Variants in DLEC1 observed in about 807,000 individuals in gnomAD.
DLEC1 encodes the protein DLEC1 cilia and flagella associated protein.
In DLEC1, 146 loss-of-function variants were observed where a neutral mutation model predicts 198.1. The ratio of observed to expected loss-of-function variants is 0.74; its 90% CI spans 0.64 to 0.85. DLEC1 has a LOEUF of 0.85. Among genes scored for constraint, DLEC1 ranks in the 40% least tolerant of loss-of-function variants. The pLI is 0.00. For synonymous variants in DLEC1, 897 were observed against 866.8 expected (o/e 1.03, Z -0.61); for missense variants, 2,233 against 2,220.0 (o/e 1.01, Z -0.12).
chr3:38,118,382 G>A (rs1415316387), intron 33 of DLEC1, among the ~76,000 whole-genome samples: 1 of 152,128 alleles, frequency 6.6e-6, no homozygotes, highest in African/African-American at 2.4e-5. Flanking sequence ...CACAGACTCC[G>A]TCCTCCTGTG....
chr3:38,060,232 A>G (rs1054963618), intron 3 of DLEC1, among the ~76,000 whole-genome samples: 3 of 152,186 alleles, frequency 2.0e-5, no homozygotes, highest in Non-Finnish European at 2.9e-5. Context: ...CCATGCAGGA[A>G]AAGAGCAGCT....
chr3:38,095,996 C>T (rs747415987), intron 14 of DLEC1, 50 bp downstream of exon 14: 13 of 1,605,690 alleles, frequency 8.1e-6, no homozygotes, highest in Non-Finnish European at 1.0e-5. Flanking sequence ...GGCCTTCCCC[C>T]ACCTTGGGGG....
Position 38,115,382 on chromosome 3 carries a change from T to C in DLEC1, c.3856+329T>C, listed in dbSNP as rs561363917. On this transcript the variant is annotated intron_variant, in intron 27 of 36. Coordinates refer to ENST00000308059, the MANE Select transcript of DLEC1 (RefSeq NM_007335.4). ...CTTCCCTCCTGATGGGTGGGACAGA[T>C]GTGACTGTGGACTGCAGTGTGTGGA... Among the ~76,000 whole-genome samples, 8 of 152,030 alleles carry C rather than the reference T, an allele frequency of 5.3e-5. No individual in the cohort carries two copies. The South Asian group carries it at 1.7e-3, about 32-fold the overall frequency.
At chr3:38,074,426 C>A (rs1188483929) in intron 6 of DLEC1, among the ~76,000 whole-genome samples, 1 of 152,126 alleles carries the variant, frequency 6.6e-6, no homozygotes, top group Non-Finnish European at 1.5e-5. Flanking sequence ...CCTTCTGGCC[C>A]CTCTGGGTCT....
intron 24 of DLEC1, 25 bp downstream of exon 24, chr3:38,111,772 C>A: frequency 6.2e-7 from 1 of 1,604,548 alleles, no homozygotes; most frequent in South Asian, 1.1e-5. Flanking sequence ...GGTGGGGCTT[C>A]GGGGCCCAGG....
Position 38,111,762 on chromosome 3 carries a change from G to C in DLEC1, c.3514+15G>C. Reference sequence around the variant, plus strand: ...AGAGCAGCTGGGTAAGCGCCACCAGGGTGGGGCTTCGGGGCCCAGGCCACG... The same window carrying C: ...AGAGCAGCTGGGTAAGCGCCACCAGCGTGGGGCTTCGGGGCCCAGGCCACG... On this transcript the variant is annotated intron_variant, in intron 24 of 36. Transcript: ENST00000308059. 1 of 1,608,362 alleles carries C rather than the reference G, an allele frequency of 6.2e-7. No homozygotes were observed. The highest frequency in any genetic ancestry group is 8.5e-7 in the Non-Finnish European group (1 of 1,179,420).
chr3:38,120,332 T>C, intron 33 of DLEC1, 116 bp from the exon 34 acceptor site: 1 of 1,192,158 alleles, frequency 8.4e-7, no homozygotes, highest in East Asian at 2.3e-5. Context: ...GGGGAGCTGC[T>C]GGGCTGTTGG....
intron 2 of DLEC1, among the ~76,000 whole-genome samples, chr3:38,051,370 C>CCCTGGTG (rs1287490896): frequency 6.6e-6 from 1 of 152,362 alleles, no homozygotes; most frequent in East Asian, 1.9e-4. Context: ...CCCCACCTGT[C>CCCTGGTG]CCTGCTGCCT....
rs1436199329 is a variant in DLEC1 at position 38,063,872 on chromosome 3, C to T, written c.1126C>T (p.Pro376Ser). 2 of 1,613,616 alleles carry T rather than the reference C, an allele frequency of 1.2e-6. No individual in the cohort carries two copies. Among genetic ancestry groups the T allele is most frequent in the South Asian group, 2.2e-5 (2 of 91,030 alleles). Residue 376 changes from proline (P) to serine (S), a missense_variant, in exon 6 of 37, where the codon CCA becomes TCA. Coordinates refer to ENST00000308059, the MANE Select transcript of DLEC1 (RefSeq NM_007335.4). ...CADTPVFLAK[P>S]PIGFFTDYEI... The stretch of plus-strand genomic sequence containing the variant: ...TGATACTCCAGTGTTTCTAGCTAAG[C>T]CACCAATTGGGTTTTTCACAGATTA...
Position 38,096,662 on chromosome 3 carries a change from G to C in DLEC1, c.2265G>C (p.Gln755His), listed in dbSNP as rs568087360. The change falls in exon 15 of 37, where the codon CAG becomes CAC. Residue 755 changes from glutamine to histidine, a missense_variant. Coordinates refer to ENST00000308059, the MANE Select transcript of DLEC1 (RefSeq NM_007335.4). ...IEVKGSVEPF[Q>H]VLLEPYALII... is the part of the protein sequence containing the mutation. ...TGAAAGGCTCAGTAGAACCTTTCCAGGTTCTCTTAGAGCCATATGCCCTCA... is the reference window on the plus strand; with the variant it reads ...TGAAAGGCTCAGTAGAACCTTTCCACGTTCTCTTAGAGCCATATGCCCTCA... 1.1e-5 allele frequency: 18 copies of C among 1,613,432 alleles called. No individual in the cohort carries two copies. The highest frequency in any genetic ancestry group is 1.7e-5 in the Admixed American group (1 of 60,020).
intron 7 of DLEC1, 63 bp downstream of exon 7, chr3:38,084,308 A>T (rs1177359978): frequency 7.0e-7 from 1 of 1,438,050 alleles, no homozygotes; most frequent in Non-Finnish European, 9.7e-7. Context: ...TATTAGTAGT[A>T]ATAGTAGTAG....
rs779514915 is a variant in DLEC1 at position 38,108,528 on chromosome 3, A to G, written c.3129+13A>G. On this transcript the variant is annotated intron_variant, in intron 21 of 36. Coordinates refer to ENST00000308059, the MANE Select transcript of DLEC1 (RefSeq NM_007335.4). Reference sequence around the variant, plus strand: ...TGCTCATACCCAGGTGAGTAAGGCAATGTAGGGCCTGAGTGACCGGGAAGG... The same window carrying G: ...TGCTCATACCCAGGTGAGTAAGGCAGTGTAGGGCCTGAGTGACCGGGAAGG... 6.2e-7 allele frequency: 1 copy of G among 1,609,132 alleles called. No homozygotes were observed. The highest frequency in any genetic ancestry group is 8.5e-7 in the Non-Finnish European group (1 of 1,176,220).
At chr3:38,080,247 G>C (rs1406144818) in intron 6 of DLEC1, among the ~76,000 whole-genome samples, 2 of 152,178 alleles carry the variant, frequency 1.3e-5, no homozygotes, top group Non-Finnish European at 2.9e-5. Context: ...CAGGTGTGAG[G>C]AGGGGAGGTG....
At chr3:38,071,586 A>T (rs961454275) in intron 6 of DLEC1, among the ~76,000 whole-genome samples, 1 of 152,230 alleles carries the variant, frequency 6.6e-6, no homozygotes, top group African/African-American at 2.4e-5. Flanking sequence ...TGTGAAGGAG[A>T]AAAACTGGCC....
intron 20 of DLEC1, 148 bp downstream of exon 20, chr3:38,107,885 A>G (rs2125717239): frequency 5.3e-6 from 5 of 935,706 alleles, no homozygotes; most frequent in Non-Finnish European, 4.7e-6. Context: ...TAGTGTGCAT[A>G]AAAGCTCCTC....
Position 38,122,785 on chromosome 3 carries a change from C to T in DLEC1, c.*373C>T, listed in dbSNP as rs770679719. 4.6e-5 allele frequency: 53 copies of T among 1,141,452 alleles called. No individual in the cohort carries two copies. The highest frequency in any genetic ancestry group is 6.2e-5 in the Non-Finnish European group (52 of 839,350). 70.7% of individuals were successfully genotyped at this position (1,141,452 alleles called of 1,614,324 possible). On this transcript the variant is annotated 3_prime_UTR_variant, in exon 37 of 37. Coordinates refer to ENST00000308059, the MANE Select transcript of DLEC1 (RefSeq NM_007335.4). The stretch of plus-strand genomic sequence containing the variant: ...GATTTGCCTTGCCTTAAGAATTAAC[C>T]ATGGCCTTGTGGCCTGGGTGACCCA...
At chr3:38,066,617 A>T (rs1157146724) in intron 6 of DLEC1, among the ~76,000 whole-genome samples, 1 of 152,154 alleles carries the variant, frequency 6.6e-6, no homozygotes, top group Non-Finnish European at 1.5e-5. Flanking sequence ...CTTCTTGGGG[A>T]ATCAGGTCAA....
At chr3:38,094,755 C>A in intron 12 of DLEC1, 124 bp from the exon 13 acceptor site, 1 of 1,148,062 alleles carries the variant, frequency 8.7e-7, no homozygotes, top group Non-Finnish European at 1.2e-6. Context: ...TGAAGGCTGA[C>A]CTGGTTTCTT....
At chr3:38,090,270 G>A (rs1260280866) in intron 10 of DLEC1, among the ~76,000 whole-genome samples, 3 of 152,176 alleles carry the variant, frequency 2.0e-5, no homozygotes, top group African/African-American at 7.2e-5. Context: ...TTTCACCCCA[G>A]TTCCTCAGCC....
Sources: allele counts gnomAD v4.1 joint callset (sites outside exome capture counted in the v4.1 genomes callset), GRCh38; gene constraint gnomAD v4.1.1; transcripts MANE v1.5; gene names NCBI Gene and HGNC (gene_info 2026-07-23, HGNC 2026-07-21).